The following ZNF236 variants were observed in gnomAD, a reference collection of about 807,000 sequenced individuals.
ZNF236 encodes the protein zinc finger protein 236.
Under a neutral mutation model 191.2 loss-of-function variants are expected in ZNF236, and 50 were observed. The observed-to-expected ratio is 0.26, with a 90% CI of 0.21 to 0.33. The LOEUF (loss-of-function observed/expected upper bound fraction) is 0.33, where lower values mean the gene tolerates loss of function less well. Ranked by LOEUF, ZNF236 falls within the 10% of genes least tolerant of loss-of-function variation. ZNF236 has a pLI of 1.00. For missense variants in ZNF236, 1,754 were observed against 2,374.5 expected (o/e 0.74, Z 5.43); for synonymous variants, 907 against 928.8 (o/e 0.98, Z 0.43).
At chr18:76,901,875 A>G (rs1036301826) in intron 11 of ZNF236, among the ~76,000 whole-genome samples, 1 of 152,232 alleles carries the variant, frequency 6.6e-6, no homozygotes, top group Non-Finnish European at 1.5e-5. Context: ...CCCCCATGGT[A>G]GCGTAGAATA....
At position 76,845,848 on chromosome 18, in the gene ZNF236, T is replaced by TA. The variant is rs146207394; in HGVS notation, c.56-3663dup. Among the ~76,000 whole-genome samples the TA allele has an allele frequency of 6.7e-3, 951 of 142,568 alleles. 8 individuals carry two copies. The highest frequency in any genetic ancestry group is 0.02 in the African/African-American group (786 of 38,972). The allele number at this position is 142,568 out of a possible 152,430, so 93.5% of individuals were successfully genotyped here. ...TGTGCAACAGAGTGAGACTCCATCT[T>TA]AAAAAAAAAAAAAAATTAGCTATCC... On this transcript the variant is annotated intron_variant, in intron 1 of 30. Transcript: ENST00000320610.
intron 1 of ZNF236, chr18:76,840,775 C>CTGTGTGTGTGTGTGTGTGTGTGTGTG (rs113251935): frequency 1.7e-5 from 2 of 114,910 alleles, no homozygotes; most frequent in Admixed American, 9.7e-5. Flanking sequence ...TCTTTATAAC[C>CTGTGTGTGTGTGTGTGTGTGTGTGTG]TGTGTGTGTG....
chr18:76,898,000 T>C (rs1017131064), intron 10 of ZNF236: 3 of 152,206 alleles, frequency 2.0e-5, no homozygotes, highest in African/African-American at 7.2e-5. Context: ...AAGTAACACT[T>C]ATAAATGAAC....
intron 25 of ZNF236, among the ~76,000 whole-genome samples, chr18:76,934,688 G>T (rs1034914235): frequency 9.9e-5 from 15 of 152,182 alleles, no homozygotes; most frequent in South Asian, 2.1e-4. Context: ...AAACTGAAGA[G>T]GACGTTCTCA....
intron 25 of ZNF236, among the ~76,000 whole-genome samples, chr18:76,933,319 A>G (rs1967906954): frequency 6.6e-6 from 1 of 151,848 alleles, no homozygotes; most frequent in South Asian, 2.1e-4. Context: ...AAATACAACA[A>G]ATTAGCTGGG....
At chr18:76,895,430 T>A (rs1241032626) in intron 10 of ZNF236, 145 bp downstream of exon 10, 2 of 1,146,202 alleles carry the variant, frequency 1.7e-6, no homozygotes, top group East Asian at 5.1e-5. Context: ...GCACAAAGTA[T>A]CACACACAGT....
chr18:76,855,644 G>C (rs1490711991), intron 3 of ZNF236, among the ~76,000 whole-genome samples: 2 of 152,200 alleles, frequency 1.3e-5, no homozygotes, highest in South Asian at 2.1e-4. Context: ...GTTGTTTCCA[G>C]CCTTTTCCAG....
chr18:76,926,941 TTATG>T, intron 22 of ZNF236, 92 bp from the exon 23 acceptor site: 1 of 1,403,752 alleles, frequency 7.1e-7, no homozygotes, highest in South Asian at 1.4e-5. Context: ...TGTGTACAAC[TTATG>T]TATTTAAAAA....
At chr18:76,908,280 C>T in intron 13 of ZNF236, 40 bp from the exon 14 acceptor site, 1 of 1,581,576 alleles carries the variant, frequency 6.3e-7, no homozygotes, top group South Asian at 1.1e-5. Context: ...TAACCTTTGA[C>T]AGCATCTAAC....
intron 30 of ZNF236, 45 bp from the exon 31 acceptor site, chr18:76,968,170 C>T: frequency 1.2e-6 from 2 of 1,610,750 alleles, no homozygotes; most frequent in South Asian, 1.1e-5. Context: ...ATTTTGTGCT[C>T]TGGAAGGTCT....
intron 1 of ZNF236, among the ~76,000 whole-genome samples, chr18:76,848,067 T>G (rs1383831795): frequency 1.3e-5 from 2 of 152,192 alleles, no homozygotes; most frequent in African/African-American, 4.8e-5. Flanking sequence ...GCCCCTCCCA[T>G]GTGGGCTTCA....
At chr18:76,934,047 G>A (rs1369906801) in intron 25 of ZNF236, among the ~76,000 whole-genome samples, 1 of 152,196 alleles carries the variant, frequency 6.6e-6, no homozygotes, top group Non-Finnish European at 1.5e-5. Flanking sequence ...CAAAACTTAT[G>A]TTGAGCATAA....
In ZNF236 at chr18:76,972,502, C is replaced by T. The variant is rs528052991; in HGVS notation, c.*4163C>T. Among the ~76,000 whole-genome samples, 4 of 152,094 alleles carry T rather than the reference C, an allele frequency of 2.6e-5. No homozygotes were observed. Among genetic ancestry groups the T allele is most frequent in the Admixed American group, 6.6e-5 (1 of 15,256 alleles). ...ACACTCACCCTCCCTACACAGGCAT[C>T]GGGGCAGTTCTTTATATGGATGACT... On this transcript the variant is annotated 3_prime_UTR_variant, in exon 31 of 31. Coordinates refer to ENST00000320610, the MANE Select transcript of ZNF236 (RefSeq NM_001306089.2).
chr18:76,874,547 TAAGTAAA>T (rs1976664586), intron 5 of ZNF236, among the ~76,000 whole-genome samples: 1 of 151,828 alleles, frequency 6.6e-6, no homozygotes, highest in Non-Finnish European at 1.5e-5. Flanking sequence ...AGGTGGACAT[TAAGTAAA>T]ATGTAAAAGG....
intron 1 of ZNF236, among the ~76,000 whole-genome samples, chr18:76,841,506 C>G (rs766511040): frequency 6.6e-6 from 1 of 152,146 alleles, no homozygotes; most frequent in Non-Finnish European, 1.5e-5. Flanking sequence ...ATGGCAAATA[C>G]CAAAGTTTTG....
chr18:76,880,483 C>T lies in ZNF236; in HGVS notation c.1188+167C>T, dbSNP rs764390560. ...ATATGCCTACTTAATTGCTTATGGA[C>T]GGCGCAACATTCAAATGATTTATTC... On this transcript the variant is annotated intron_variant, in intron 8 of 30. Coordinates refer to ENST00000320610, the MANE Select transcript of ZNF236 (RefSeq NM_001306089.2). This position sits in a 1 kb window ranked among gnomAD's most constrained non-coding sequence, Gnocchi z 5.0. 3.4e-4 allele frequency among the ~76,000 whole-genome samples: 51 copies of T among 151,796 alleles called. 1 individual carries two copies. Among genetic ancestry groups the T allele is most frequent in the Middle Eastern group, 6.8e-3 (2 of 292 alleles).
Position 76,854,237 on chromosome 18 carries a change from T to C in ZNF236, c.363+2298T>C, listed in dbSNP as rs549797421. On this transcript the variant is annotated intron_variant, in intron 3 of 30. Coordinates refer to ENST00000320610, the MANE Select transcript of ZNF236 (RefSeq NM_001306089.2). Reference sequence around the variant, plus strand: ...AAAAATTATAAGAAAGAAAACATACTATGTGGAGAGAATGCATTTGTGGTA... The same window carrying C: ...AAAAATTATAAGAAAGAAAACATACCATGTGGAGAGAATGCATTTGTGGTA... Among the ~76,000 whole-genome samples, 5 of 152,276 alleles carry C rather than the reference T, an allele frequency of 3.3e-5. No individual in the cohort carries two copies. The South Asian group carries it at 6.2e-4, about 19-fold the overall frequency.
chr18:76,905,026 T>C (rs1024683309), intron 12 of ZNF236, 129 bp from the exon 13 acceptor site: 4 of 1,008,636 alleles, frequency 4.0e-6, no homozygotes, highest in Non-Finnish European at 5.6e-6. Context: ...TGTGGAGAGC[T>C]CCGGCATTGC....
At chr18:76,891,712 AT>A (rs564745673) in intron 9 of ZNF236, among the ~76,000 whole-genome samples, 197 of 147,152 alleles carry the variant, frequency 1.3e-3, no homozygotes, top group African/African-American at 3.9e-3. Flanking sequence ...CTTTGATTTA[AT>A]TTTTTTTTTT....
Sources: allele counts gnomAD v4.1 joint callset (sites outside exome capture counted in the v4.1 genomes callset), GRCh38; gene constraint gnomAD v4.1.1; non-coding constraint Gnocchi (gnomAD v3.1); transcripts MANE v1.5; gene names NCBI Gene and HGNC (gene_info 2026-07-23, HGNC 2026-07-21).